Variants in ARHGEF9 observed in about 807,000 individuals in gnomAD.
ARHGEF9 encodes the protein rho guanine nucleotide exchange factor 9.
Under a neutral mutation model 41.3 loss-of-function variants are expected in ARHGEF9, and 2 were observed. The observed-to-expected ratio is 0.05, with a 90% CI of 0.02 to 0.15. The LOEUF is 0.15. ARHGEF9 is among the 10% of genes least tolerant of loss of function. ARHGEF9 has a pLI of 1.00. For missense variants in ARHGEF9, 225 were observed against 424.7 expected, an observed-to-expected ratio of 0.53 and a Z score of 4.13; for synonymous variants, 160 against 154.4, an observed-to-expected ratio of 1.04 and a Z score of -0.27.
intron 5 of ARHGEF9, among the ~76,000 whole-genome samples, chrX:63,677,699 G>A (rs2050348318): frequency 9.0e-6 from 1 of 111,330 alleles, no homozygotes; most frequent in East Asian, 2.9e-4. Context: ...GATGGCAAGA[G>A]GACTTTGAAG....
intron 8 of ARHGEF9, among the ~76,000 whole-genome samples, chrX:63,649,690 T>C (rs1412543055): frequency 3.1e-4 from 34 of 111,142 alleles, no homozygotes; most frequent in African/African-American, 1.1e-3. Context: ...GATAGACCAC[T>C]AGCAAGACTA....
intron 2 of ARHGEF9, among the ~76,000 whole-genome samples, chrX:63,713,999 C>A (rs782461551): frequency 1.8e-5 from 2 of 111,682 alleles, no homozygotes; most frequent in Non-Finnish European, 3.8e-5. Context: ...TAAGGAGCTT[C>A]AACCAGAGCA....
At chrX:63,736,785 T>C (rs2054637712) in intron 1 of ARHGEF9, among the ~76,000 whole-genome samples, 1 of 111,983 alleles carries the variant, frequency 8.9e-6, no homozygotes, top group Non-Finnish European at 1.9e-5. Flanking sequence ...ACTATCTATC[T>C]ATATTACAAT....
At chrX:63,645,138 AAAAT>A (rs1370899766) in intron 8 of ARHGEF9, among the ~76,000 whole-genome samples, 2 of 111,016 alleles carry the variant, frequency 1.8e-5, no homozygotes, top group Admixed American at 9.7e-5. Context: ...AAAATATCTA[AAAAT>A]AAATAAAAAG....
At chrX:63,639,815 C>T (rs1556303575) in intron 9 of ARHGEF9, 1 of 111,889 alleles carries the variant, frequency 8.9e-6, no homozygotes, top group African/African-American at 3.3e-5. Flanking sequence ...TTTTCAGCAA[C>T]ATGGATGGAA....
chrX:63,648,245 G>A (rs1382218552), intron 8 of ARHGEF9, among the ~76,000 whole-genome samples: 5 of 111,617 alleles, frequency 4.5e-5, no homozygotes, highest in East Asian at 5.7e-4. Flanking sequence ...GACTAACAGC[G>A]GATCTCTCGG....
chrX:63,706,409 C>T lies in ARHGEF9; in HGVS notation c.251G>A (p.Ser84Asn), dbSNP rs199792236. The T allele has an allele frequency of 8.3e-7, 1 of 1,207,569 alleles. No homozygotes were observed. Among genetic ancestry groups the T allele is most frequent in the African/African-American group, 1.7e-5 (1 of 57,648 alleles). ...GTCCAGGTGTCCGTTCTGCACATCG[C>T]TGGGCCCCTCCTCCACCTCATCCTC... ...NQEDEVEEGP[S>N]DVQNGHLDPN... Residue 84 changes from serine to asparagine, a missense_variant, in exon 3 of 10, where the codon AGC (serine) becomes AAC (asparagine). Transcript: ENST00000671741.
chrX:63,686,753 C>T (rs2051010194), intron 4 of ARHGEF9, among the ~76,000 whole-genome samples: 1 of 110,775 alleles, frequency 9.0e-6, no homozygotes, highest in African/African-American at 3.3e-5. Flanking sequence ...TAGCCACTGC[C>T]CAGATTATCA....
At chrX:63,769,373 ACATT>A (rs1329330409) in intron 1 of ARHGEF9, among the ~76,000 whole-genome samples, 1 of 111,142 alleles carries the variant, frequency 9.0e-6, no homozygotes, top group Non-Finnish European at 1.9e-5. Flanking sequence ...GCTACTAAAG[ACATT>A]CAGTTTTATA....
At chrX:63,745,863 A>G (rs1167824305) in intron 1 of ARHGEF9, among the ~76,000 whole-genome samples, 10 of 111,490 alleles carry the variant, frequency 9.0e-5, no homozygotes, top group Non-Finnish European at 1.9e-4. Flanking sequence ...AATGACCAAA[A>G]TCTGCATACG....
intron 1 of ARHGEF9, among the ~76,000 whole-genome samples, chrX:63,771,817 T>G (rs1556455065): frequency 9.0e-6 from 1 of 111,437 alleles, no homozygotes; most frequent in African/African-American, 3.3e-5. Context: ...TCCACCTGCC[T>G]CAGCCTCCCC....
intron 4 of ARHGEF9, among the ~76,000 whole-genome samples, chrX:63,690,369 C>A (rs376801178): frequency 3.8e-4 from 42 of 111,084 alleles, no homozygotes; most frequent in East Asian, 3.4e-3. Flanking sequence ...TACAGGCAAA[C>A]AAATTGGAAA....
intron 1 of ARHGEF9, chrX:63,737,085 C>A (rs1205492258): frequency 8.9e-6 from 1 of 111,771 alleles, no homozygotes; most frequent in Non-Finnish European, 1.9e-5. Flanking sequence ...ACCTGACTTT[C>A]CCTCCCTGCT....
At chrX:63,647,237 G>C (rs1349046374) in intron 8 of ARHGEF9, among the ~76,000 whole-genome samples, 1 of 111,376 alleles carries the variant, frequency 9.0e-6, no homozygotes, top group Non-Finnish European at 1.9e-5. Context: ...TCCCCTGCCT[G>C]ATTGCCCTGG....
chrX:63,656,246 G>A (rs1556336013), intron 7 of ARHGEF9, among the ~76,000 whole-genome samples: 1 of 110,920 alleles, frequency 9.0e-6, no homozygotes, highest in African/African-American at 3.3e-5. Flanking sequence ...AGCACTCTGG[G>A]GATTTTTAGA....
At chrX:63,737,859 G>C (rs1480723868) in intron 1 of ARHGEF9, among the ~76,000 whole-genome samples, 1 of 112,031 alleles carries the variant, frequency 8.9e-6, no homozygotes, top group Admixed American at 9.4e-5. Context: ...GAGCACAGAG[G>C]CCAGGAGAAA....
chrX:63,636,483 G>A lies in ARHGEF9; in HGVS notation c.*1545C>T, dbSNP rs782662458. On this transcript the variant is annotated 3_prime_UTR_variant, in exon 10 of 10. Coordinates refer to ENST00000671741, the MANE Select transcript of ARHGEF9 (RefSeq NM_001353921.2). ...AGGGTAGCATCCCTGCCTCAGACAC[G>A]TTATTCAGAGGGAAAATTGCCCCTG... 4.9e-5 allele frequency: 6 copies of A among 122,393 alleles called. No homozygotes were observed. The highest frequency in any genetic ancestry group is 2.4e-4 in the East Asian group (1 of 4,224). The allele number at this position is 122,393 out of a possible 1,213,427, so 10.1% of individuals were successfully genotyped here.
intron 7 of ARHGEF9, among the ~76,000 whole-genome samples, chrX:63,660,012 A>C (rs782196131): frequency 2.5e-4 from 28 of 111,626 alleles, no homozygotes; most frequent in African/African-American, 8.1e-4. Flanking sequence ...AAAAAGAACT[A>C]CCTTTTGACC....
chrX:63,731,552 GTTTTTTTTTTTTT>G (rs1165184937), intron 1 of ARHGEF9, among the ~76,000 whole-genome samples: 1 of 75,880 alleles, frequency 1.3e-5, no homozygotes, highest in African/African-American at 4.9e-5. Context: ...CCCTGTCTCA[GTTTTTTTTTTTTT>G]TTTTTTTTTT....
Sources: allele counts gnomAD v4.1 joint callset (sites outside exome capture counted in the v4.1 genomes callset), GRCh38; gene constraint gnomAD v4.1.1; transcripts MANE v1.5; gene names NCBI Gene and HGNC (gene_info 2026-07-23, HGNC 2026-07-21).